SHLD2: variants seen among roughly 807,000 people sequenced by gnomAD.
SHLD2 encodes the protein shieldin complex subunit 2.
A neutral mutation model predicts 73.2 loss-of-function variants in SHLD2; 30 were observed. That is an observed-to-expected ratio of 0.41 (90% CI 0.31 to 0.56). The LOEUF (loss-of-function observed/expected upper bound fraction) is 0.56, where lower values mean the gene tolerates loss of function less well. Ranked by LOEUF, SHLD2 falls within the 20% of genes least tolerant of loss-of-function variation. The probability of loss-of-function intolerance (pLI) is 0.28; values close to 1 mark genes in which losing one functional copy is unlikely to be tolerated. For synonymous variants in SHLD2, 285 were observed against 370.1 expected (o/e 0.77, Z 2.64); for missense variants, 745 against 1,055.9 (o/e 0.71, Z 4.08).
chr10:87,103,828 A>G (rs1233576748), intron 2 of SHLD2, among the ~76,000 whole-genome samples: 1 of 152,234 alleles, frequency 6.6e-6, no homozygotes, highest in Non-Finnish European at 1.5e-5. Flanking sequence ...CAGTCAACAA[A>G]GGTTTATCAA....
intron 2 of SHLD2, among the ~76,000 whole-genome samples, chr10:87,102,436 A>G (rs772381069): frequency 6.6e-6 from 1 of 152,084 alleles, no homozygotes; most frequent in East Asian, 1.9e-4. Flanking sequence ...GGCTGGGCAC[A>G]GTGGCTCACG....
intron 6 of SHLD2, among the ~76,000 whole-genome samples, chr10:87,175,197 G>C (rs1433241851): frequency 3.3e-5 from 5 of 151,054 alleles, no homozygotes; most frequent in African/African-American, 1.2e-4. Context: ...TTCTAGAAAA[G>C]TTAACTAAAA....
In SHLD2 at chr10:87,146,583, C is replaced by T. The variant is rs552907885; in HGVS notation, c.-5-4767C>T. ...TGCTGGGATTATAAGCTTGAGCCAC[C>T]GCGCCCAGCCTGCGATTTTTTTTTT... On this transcript the variant is annotated intron_variant, in intron 2 of 9. Transcript: ENST00000298786. Among the ~76,000 whole-genome samples the T allele has an allele frequency of 5.3e-4, 80 of 150,262 alleles. 2 individuals carry two copies. In the South Asian group the frequency reaches 0.016, roughly 29 times the overall value.
intron 2 of SHLD2, among the ~76,000 whole-genome samples, chr10:87,115,151 G>A (rs1207250602): frequency 6.6e-6 from 1 of 152,170 alleles, no homozygotes; most frequent in Admixed American, 6.6e-5. Context: ...CCGGGGTCAA[G>A]TGATTCTCCT....
At chr10:87,148,308 C>T (rs540006543) in intron 2 of SHLD2, among the ~76,000 whole-genome samples, 86 of 152,308 alleles carry the variant, frequency 5.6e-4, no homozygotes, top group African/African-American at 1.8e-3. Flanking sequence ...TAATCCAATA[C>T]ATATCTGTCT....
intron 2 of SHLD2, among the ~76,000 whole-genome samples, chr10:87,098,215 T>C (rs1348553713): frequency 6.6e-6 from 1 of 152,090 alleles, no homozygotes; most frequent in Non-Finnish European, 1.5e-5. Context: ...ATTCCTGATT[T>C]ATTAGAAGCA....
At chr10:87,101,046 C>A (rs7077747) in intron 2 of SHLD2, among the ~76,000 whole-genome samples, 101,010 of 152,058 alleles carry the variant, frequency 0.66, 34,008 homozygotes, top group East Asian at 0.84. Flanking sequence ...TCTCTCAGGA[C>A]TGTTTTATCA....
chr10:87,094,784 G>A (rs762903465), upstream of SHLD2: 7 of 1,528,978 alleles, frequency 4.6e-6, 1 homozygote, highest in South Asian at 4.7e-5. This position sits in a 1 kb window ranked among gnomAD's most constrained non-coding sequence, Gnocchi z 6.6. Context: ...ACAAGCGGAG[G>A]GGAGGTGCGT....
At chr10:87,167,905 A>G (rs566557371) in intron 4 of SHLD2, among the ~76,000 whole-genome samples, 138 of 152,296 alleles carry the variant, frequency 9.1e-4, no homozygotes, top group African/African-American at 3.2e-3. Flanking sequence ...TTAGCCTCCC[A>G]AAGTGCTGGA....
At chr10:87,184,502 G>A (rs1848494939) in intron 8 of SHLD2, among the ~76,000 whole-genome samples, 2 of 151,982 alleles carry the variant, frequency 1.3e-5, no homozygotes, top group African/African-American at 4.8e-5. Flanking sequence ...CCTACGACCT[G>A]TTGCGCAAAC....
chr10:87,155,790 C>T (rs904100221), intron 3 of SHLD2, among the ~76,000 whole-genome samples: 1 of 152,088 alleles, frequency 6.6e-6, no homozygotes, highest in Non-Finnish European at 1.5e-5. Context: ...TCTCTGGTGG[C>T]TGAAATGCAA....
At chr10:87,166,116 A>T (rs1406784009) in intron 4 of SHLD2, among the ~76,000 whole-genome samples, 5 of 152,100 alleles carry the variant, frequency 3.3e-5, no homozygotes, top group Non-Finnish European at 2.9e-5. Context: ...GAATATGACT[A>T]GGATACTACT....
intron 7 of SHLD2, 99 bp downstream of exon 7, chr10:87,176,194 T>C: frequency 7.0e-7 from 1 of 1,421,506 alleles, no homozygotes; most frequent in Non-Finnish European, 9.6e-7. Context: ...TGAACACAGC[T>C]CACTGCAGTC....
intron 4 of SHLD2, among the ~76,000 whole-genome samples, chr10:87,166,830 G>A (rs946159248): frequency 4.6e-5 from 7 of 152,156 alleles, no homozygotes; most frequent in Admixed American, 2.0e-4. Flanking sequence ...TGAACCTATA[G>A]TAACTGAGAT....
chr10:87,144,904 A>C (rs1845482965), intron 2 of SHLD2, among the ~76,000 whole-genome samples: 1 of 140,918 alleles, frequency 7.1e-6, no homozygotes, highest in South Asian at 2.2e-4. Flanking sequence ...GGGATTGATT[A>C]CAGGCGTGAG....
chr10:87,149,970 G>T (rs557840455), intron 2 of SHLD2, among the ~76,000 whole-genome samples: 1 of 151,856 alleles, frequency 6.6e-6, no homozygotes, highest in South Asian at 2.1e-4. Context: ...AGCTGGCCTC[G>T]AACTCCTGGT....
intron 2 of SHLD2, among the ~76,000 whole-genome samples, chr10:87,126,699 G>A (rs1242022650): frequency 3.0e-4 from 45 of 152,034 alleles, no homozygotes; most frequent in Admixed American, 2.9e-3. Flanking sequence ...TGATTTCTAG[G>A]AGGAATGATT....
intron 2 of SHLD2, among the ~76,000 whole-genome samples, chr10:87,105,607 G>T (rs891455845): frequency 6.6e-6 from 1 of 152,104 alleles, no homozygotes; most frequent in Non-Finnish European, 1.5e-5. Flanking sequence ...CTGAAGGCAG[G>T]GCTTTTCCAT....
At chr10:87,104,722 A>G (rs1472675393) in intron 2 of SHLD2, among the ~76,000 whole-genome samples, 1 of 151,516 alleles carries the variant, frequency 6.6e-6, no homozygotes, top group Non-Finnish European at 1.5e-5. Flanking sequence ...GAGGAGTGGC[A>G]CAATCTCGGC....
Sources: allele counts gnomAD v4.1 joint callset (sites outside exome capture counted in the v4.1 genomes callset), GRCh38; gene constraint gnomAD v4.1.1; non-coding constraint Gnocchi (gnomAD v3.1); transcripts MANE v1.5; gene names NCBI Gene and HGNC (gene_info 2026-07-23, HGNC 2026-07-21).